Variants in MAGI2 observed in about 807,000 individuals in gnomAD.
MAGI2 encodes membrane-associated guanylate kinase, WW and PDZ domain-containing protein 2.
In MAGI2, 35 loss-of-function variants were observed where a neutral mutation model predicts 133.3. The ratio of observed to expected loss-of-function variants is 0.26; its 90% CI spans 0.20 to 0.35. MAGI2 has a LOEUF of 0.35. MAGI2 is among the 10% of genes least tolerant of loss of function. The pLI is 1.00. For missense variants in MAGI2, 1,636 were observed against 1,863.4 expected (o/e 0.88, Z 2.25); for synonymous variants, 729 against 710.6 (o/e 1.03, Z -0.41).
At chr7:78,299,080 A>G (rs1022051467) in intron 9 of MAGI2, among the ~76,000 whole-genome samples, 2 of 152,160 alleles carry the variant, frequency 1.3e-5, no homozygotes, top group Non-Finnish European at 2.9e-5. Flanking sequence ...GGCCTCCCAA[A>G]GTGCTGGGAT....
intron 13 of MAGI2, 149 bp from the exon 14 acceptor site, chr7:78,178,251 T>A: frequency 1.9e-6 from 1 of 533,114 alleles, no homozygotes. Context: ...ATACAAAAAA[T>A]ATGGCAGCAA....
intron 1 of MAGI2, among the ~76,000 whole-genome samples, chr7:79,094,703 A>G (rs1817369128): frequency 6.6e-6 from 1 of 152,186 alleles, no homozygotes; most frequent in Admixed American, 6.5e-5. Flanking sequence ...AAAACCCATT[A>G]ATCTCCTTGT....
chr7:79,295,742 C>T (rs541297354), intron 1 of MAGI2, among the ~76,000 whole-genome samples: 1 of 151,956 alleles, frequency 6.6e-6, no homozygotes, highest in Non-Finnish European at 1.5e-5. Flanking sequence ...CTCTTGTATC[C>T]GCAGTGACTA....
intron 1 of MAGI2, among the ~76,000 whole-genome samples, chr7:79,078,395 A>T (rs1201132836): frequency 6.6e-6 from 1 of 152,212 alleles, no homozygotes; most frequent in Non-Finnish European, 1.5e-5. Flanking sequence ...CTTTCATAAC[A>T]GCTACTCCTC....
At chr7:78,465,076 A>G (rs1209636220) in intron 6 of MAGI2, among the ~76,000 whole-genome samples, 2 of 152,188 alleles carry the variant, frequency 1.3e-5, no homozygotes, top group Non-Finnish European at 2.9e-5. Context: ...TAACCTGGGG[A>G]AAATACAAAT....
intron 2 of MAGI2, among the ~76,000 whole-genome samples, chr7:78,724,366 G>A (rs193020832): frequency 7.2e-5 from 11 of 152,176 alleles, no homozygotes; most frequent in African/African-American, 2.7e-4. Flanking sequence ...TCAAATGAGA[G>A]AGTCAGATGA....
At chr7:79,429,064 T>C (rs1407973843) in intron 1 of MAGI2, among the ~76,000 whole-genome samples, 1 of 152,104 alleles carries the variant, frequency 6.6e-6, no homozygotes, top group Non-Finnish European at 1.5e-5. Context: ...TATATATATA[T>C]CCCTGAAACC....
At chr7:79,433,781 CAG>C (rs1847949287) in intron 1 of MAGI2, among the ~76,000 whole-genome samples, 1 of 151,980 alleles carries the variant, frequency 6.6e-6, no homozygotes, top group Admixed American at 6.6e-5. Flanking sequence ...TTAAAAAATG[CAG>C]AGATTCACAC....
At position 78,634,482 on chromosome 7, in the gene MAGI2, GAAAGCA is replaced by G. The variant is rs1809414268; in HGVS notation, c.419-7249_419-7244del. The stretch of plus-strand genomic sequence containing the variant: ...GGGCAAGGCAGTGGCTGAAGAAGGA[GAAAGCA>G]ATTGGAAATCTGTGAACACCTCTTT... On this transcript the variant is annotated intron_variant, in intron 2 of 21. Transcript: ENST00000354212. Among the ~76,000 whole-genome samples the G allele has an allele frequency of 2.6e-5, 4 of 152,304 alleles. No individual in the cohort carries two copies. In the South Asian group the frequency reaches 8.3e-4, roughly 32 times the overall value.
intron 3 of MAGI2, among the ~76,000 whole-genome samples, chr7:78,577,169 TAATA>T (rs1380801013): frequency 6.6e-6 from 1 of 152,288 alleles, no homozygotes; most frequent in East Asian, 1.9e-4. Flanking sequence ...AATTTGGAAA[TAATA>T]AATATACAGG....
At chr7:79,004,465 G>A (rs570898160) in intron 2 of MAGI2, among the ~76,000 whole-genome samples, 2 of 152,178 alleles carry the variant, frequency 1.3e-5, no homozygotes, top group African/African-American at 4.8e-5. Flanking sequence ...TGAGGAATTG[G>A]GAATGAAGAG....
At chr7:79,068,810 A>G (rs1814647617) in intron 1 of MAGI2, among the ~76,000 whole-genome samples, 1 of 152,150 alleles carries the variant, frequency 6.6e-6, no homozygotes, top group Middle Eastern at 3.2e-3. Flanking sequence ...ATTGGTTTCA[A>G]ATAACATCTT....
intron 20 of MAGI2, among the ~76,000 whole-genome samples, chr7:78,114,160 A>T (rs1211959038): frequency 1.3e-5 from 2 of 152,222 alleles, no homozygotes; most frequent in East Asian, 3.8e-4. Flanking sequence ...AGGGAGGAAA[A>T]CAAATGGACA....
chr7:78,593,113 A>C (rs1313255065), intron 3 of MAGI2, among the ~76,000 whole-genome samples: 3 of 129,136 alleles, frequency 2.3e-5, no homozygotes, highest in East Asian at 4.1e-4. Context: ...GAACCACCGC[A>C]CCTGGCCCCT....
At chr7:78,724,012 T>C (rs1820522249) in intron 2 of MAGI2, among the ~76,000 whole-genome samples, 1 of 151,994 alleles carries the variant, frequency 6.6e-6, no homozygotes, top group African/African-American at 2.4e-5. Context: ...AGGGGTGTGG[T>C]CTAGGTCCTG....
chr7:78,939,616 A>C (rs1035636261), intron 2 of MAGI2, among the ~76,000 whole-genome samples: 2 of 152,228 alleles, frequency 1.3e-5, no homozygotes, highest in Non-Finnish European at 2.9e-5. Flanking sequence ...CATTAATAAT[A>C]AAAATATGTT....
At position 78,490,145 on chromosome 7, in the gene MAGI2, G is replaced by C. The variant is rs1584373197; in HGVS notation, c.966-305C>G. On this transcript the variant is annotated intron_variant, in intron 5 of 21. Transcript: ENST00000354212. Reference sequence around the variant, plus strand: ...CAAAAGGAATTTATTACAAATACAGGATTCTCCAGTTGGAAGAGCACAGTC... The same window carrying C: ...CAAAAGGAATTTATTACAAATACAGCATTCTCCAGTTGGAAGAGCACAGTC... 7 of 381,524 alleles carry C rather than the reference G, an allele frequency of 1.8e-5. No individual in the cohort carries two copies. In the East Asian group the frequency reaches 2.3e-4, roughly 12 times the overall value. The allele number at this position is 381,524 out of a possible 1,614,324, so 23.6% of individuals were successfully genotyped here. A position where few individuals can be genotyped will look rare whatever the true frequency, so the allele number is the denominator to read the frequency against.
At chr7:78,720,644 A>T (rs1820174634) in intron 2 of MAGI2, among the ~76,000 whole-genome samples, 1 of 152,052 alleles carries the variant, frequency 6.6e-6, no homozygotes, top group Non-Finnish European at 1.5e-5. Flanking sequence ...GCAGCTTACT[A>T]ATGTACAGCT....
intron 6 of MAGI2, among the ~76,000 whole-genome samples, chr7:78,448,440 G>A (rs902395381): frequency 3.3e-5 from 5 of 151,964 alleles, no homozygotes; most frequent in African/African-American, 4.8e-5. Flanking sequence ...CAGCAACGAG[G>A]GGGCTCACCA....
Sources: allele counts gnomAD v4.1 joint callset (sites outside exome capture counted in the v4.1 genomes callset), GRCh38; gene constraint gnomAD v4.1.1; transcripts MANE v1.5; gene names NCBI Gene and HGNC (gene_info 2026-07-23, HGNC 2026-07-21).